The following UGGT1 variants were observed in gnomAD, a reference collection of about 807,000 sequenced individuals.
The protein encoded by UGGT1 is UDP-glucose:glycoprotein glucosyltransferase 1.
UGGT1 carries 107 observed loss-of-function variants against 203.9 expected under a neutral mutation model. That is an observed-to-expected ratio of 0.52 (90% CI 0.45 to 0.62). The LOEUF (loss-of-function observed/expected upper bound fraction) is 0.62, where lower values mean the gene tolerates loss of function less well. Among genes scored for constraint, UGGT1 ranks in the 20% least tolerant of loss-of-function variants. UGGT1 has a pLI of 0.00. For synonymous variants in UGGT1, 628 were observed against 653.5 expected (o/e 0.96, Z 0.59); for missense variants, 1,673 against 1,867.2 (o/e 0.90, Z 1.92).
intron 8 of UGGT1, among the ~76,000 whole-genome samples, chr2:128,116,697 G>C: frequency 6.6e-6 from 1 of 151,890 alleles, no homozygotes; most frequent in East Asian, 1.9e-4. Flanking sequence ...GCTAATTTTT[G>C]TATCTTTAGC....
At chr2:128,183,909 G>GGTGTGTGTGTGTGTGTGTGT (rs558911313) in intron 38 of UGGT1, 120 bp downstream of exon 38, 20 of 340,478 alleles carry the variant, frequency 5.9e-5, no homozygotes, top group Admixed American at 1.5e-4. Flanking sequence ...GTTTTTTCAT[G>GGTGTGTGTGTGTGTGTGTGT]GTGTGTGTGT....
In UGGT1 at chr2:128,176,857, A is replaced by G. The variant is rs1691421792; in HGVS notation, c.3583A>G (p.Ile1195Val). The change falls in exon 32 of 41, where the codon ATC (isoleucine) becomes GTC (valine). Residue 1195 changes from isoleucine (I) to valine (V), a missense_variant. Ile to Val is a conservative substitution (Grantham distance 29, BLOSUM62 3). Coordinates refer to ENST00000259253, the MANE Select transcript of UGGT1 (RefSeq NM_020120.4). ...TCCCCCTGATGCTGATGAGGTGGTT[A>G]TCGTCCTCAACAACTTCAAAAGCAA... Reference protein sequence around the residue: ...DSPPDADEVVIVLNNFKSKII... With the variant: ...DSPPDADEVVVVLNNFKSKII... 6.2e-7 allele frequency: 1 copy of G among 1,614,166 alleles called. No individual in the cohort carries two copies. Among genetic ancestry groups the G allele is most frequent in the Non-Finnish European group, 8.5e-7 (1 of 1,180,020 alleles).
chr2:128,107,291 TTTTC>T (rs1256755738), intron 3 of UGGT1, among the ~76,000 whole-genome samples: 1 of 152,244 alleles, frequency 6.6e-6, no homozygotes, highest in African/African-American at 2.4e-5. Flanking sequence ...TTGGATTTTT[TTTTC>T]TTTAAAATAA....
At chr2:128,127,486 T>C in intron 12 of UGGT1, 34 bp downstream of exon 12, 1 of 1,476,218 alleles carries the variant, frequency 6.8e-7, no homozygotes, top group South Asian at 1.2e-5. Flanking sequence ...CTGAAAAGTT[T>C]TTGTAATGCG....
In UGGT1 at chr2:128,189,614, G is replaced by A. The variant is rs751902732; in HGVS notation, c.4643-103G>A. On this transcript the variant is annotated intron_variant, in intron 40 of 40. Coordinates refer to ENST00000259253, the MANE Select transcript of UGGT1 (RefSeq NM_020120.4). ...TTAGTAAGTGAGATAAGATGAAGGT[G>A]GAGGTACAAAGAATAGGTTCCAGTG... The A allele has an allele frequency of 2.2e-4, 247 of 1,144,354 alleles. 1 individual carries two copies. The highest frequency in any genetic ancestry group is 2.9e-4 in the Non-Finnish European group (230 of 780,190). The allele number at this position is 1,144,354 out of a possible 1,614,324, so 70.9% of individuals were successfully genotyped here.
At chr2:128,175,352 T>C (rs1691320615) in intron 31 of UGGT1, among the ~76,000 whole-genome samples, 1 of 152,270 alleles carries the variant, frequency 6.6e-6, no homozygotes, top group African/African-American at 2.4e-5. Context: ...AGCCAGCTTT[T>C]ACCTTAAGGT....
intron 38 of UGGT1, 79 bp from the exon 39 acceptor site, chr2:128,186,604 C>T (rs779496079): frequency 8.1e-7 from 1 of 1,232,390 alleles, no homozygotes; most frequent in Non-Finnish European, 1.1e-6. Flanking sequence ...GGGACCCCAT[C>T]TCTCAATAAA....
chr2:128,125,944 T>C (rs1394556490), intron 11 of UGGT1, among the ~76,000 whole-genome samples: 1 of 65,722 alleles, frequency 1.5e-5, no homozygotes, highest in Non-Finnish European at 4.3e-5. Context: ...AATATATACT[T>C]TTTTTTTTTT....
At chr2:128,151,287 C>A in intron 18 of UGGT1, 2 of 588,200 alleles carry the variant, frequency 3.4e-6, no homozygotes, top group Non-Finnish European at 6.4e-6. Flanking sequence ...CCTTGGCCTG[C>A]TTCTTGGGCT....
chr2:128,174,129 C>T (rs1691251962), intron 30 of UGGT1, among the ~76,000 whole-genome samples, 190 bp downstream of exon 30: 1 of 152,116 alleles, frequency 6.6e-6, no homozygotes, highest in Admixed American at 6.5e-5. Context: ...AAAGAAAAAA[C>T]ATGCTGGAAT....
At position 128,161,190 on chromosome 2, in the gene UGGT1, T is replaced by A. The variant is rs1164236412; in HGVS notation, c.2747T>A (p.Leu916His). The A allele has an allele frequency of 1.2e-6, 2 of 1,613,918 alleles. No homozygotes were observed. The highest frequency in any genetic ancestry group is 1.7e-6 in the Non-Finnish European group (2 of 1,179,994). ...SELFNQDDFHLLENIILKTSG... is the reference protein window; with the variant it reads ...SELFNQDDFHHLENIILKTSG... ...CTCTTTAATCAAGACGATTTCCACC[T>A]CCTCGAAAATATCATCTTAAAAACC... Residue 916 changes from leucine (L) to histidine (H), a missense_variant, in exon 25 of 41, where the codon CTC (leucine) becomes CAC (histidine). Physicochemically the swap from Leu to His is moderately conservative, Grantham distance 99 (BLOSUM62 -3). Around this residue, in one of 4 missense-constraint regions of UGGT1, gnomAD observed 1,073 missense variants for 1,078.7 expected, o/e 0.99. Transcript: ENST00000259253.
intron 8 of UGGT1, among the ~76,000 whole-genome samples, chr2:128,119,087 G>A (rs1291986458): frequency 6.6e-6 from 1 of 152,132 alleles, no homozygotes; most frequent in South Asian, 2.1e-4. Flanking sequence ...TACCAGTTGG[G>A]CACCCCAAGT....
intron 17 of UGGT1, chr2:128,145,573 T>C: frequency 2.3e-6 from 1 of 437,886 alleles, no homozygotes; most frequent in Non-Finnish European, 4.0e-6. Context: ...TGCAAGCTTT[T>C]GTGGTCTTGT....
chr2:128,098,016 C>T (rs772471806), intron 2 of UGGT1, among the ~76,000 whole-genome samples: 1 of 152,072 alleles, frequency 6.6e-6, no homozygotes, highest in Non-Finnish European at 1.5e-5. Flanking sequence ...AGTGCCCCAC[C>T]ACACCCTGCT....
At chr2:128,100,580 A>ATT (rs1264351444) in intron 2 of UGGT1, among the ~76,000 whole-genome samples, 34 of 88,342 alleles carry the variant, frequency 3.8e-4, no homozygotes, top group African/African-American at 1.1e-3. Context: ...CTAATTTTGT[A>ATT]TTTTTTTTTT....
intron 16 of UGGT1, 42 bp downstream of exon 16, chr2:128,138,894 A>G (rs1239331514): frequency 6.2e-7 from 1 of 1,610,848 alleles, no homozygotes; most frequent in African/African-American, 1.3e-5. Context: ...TTTCAGATCT[A>G]ACTTACTCTT....
chr2:128,178,135 C>G (rs1691491073), intron 33 of UGGT1, among the ~76,000 whole-genome samples: 1 of 152,204 alleles, frequency 6.6e-6, no homozygotes, highest in Non-Finnish European at 1.5e-5. Context: ...ACTTCTGCTC[C>G]ATACTTTGTG....
chr2:128,145,722 G>C, intron 17 of UGGT1, 81 bp from the exon 18 acceptor site: 2 of 1,222,276 alleles, frequency 1.6e-6, no homozygotes, highest in South Asian at 2.1e-5. Context: ...GTTAGAACAG[G>C]CATGTAAGAA....
rs147947095 is a variant in UGGT1 at position 128,103,661 on chromosome 2, C to A, written c.195-271C>A. On this transcript the variant is annotated intron_variant, in intron 2 of 40. Coordinates refer to ENST00000259253, the MANE Select transcript of UGGT1 (RefSeq NM_020120.4). ...TTCATAAGCTTTCTTTATATTGAGA[C>A]TTCCCTTTTATGTTTTTATTATTCC... is the stretch of plus-strand genomic sequence containing the variant. Among the ~76,000 whole-genome samples the A allele has an allele frequency of 5.3e-3, 798 of 151,986 alleles. 12 individuals carry two copies. The highest frequency in any genetic ancestry group is 0.017 in the African/African-American group (706 of 41,526).
Sources: allele counts gnomAD v4.1 joint callset (sites outside exome capture counted in the v4.1 genomes callset), GRCh38; gene constraint gnomAD v4.1.1; regional missense constraint gnomAD v4.1.1; transcripts MANE v1.5; gene names NCBI Gene and HGNC (gene_info 2026-07-23, HGNC 2026-07-21).